PTCD3: variants seen among roughly 807,000 people sequenced by gnomAD.
PTCD3 encodes the protein small ribosomal subunit protein mS39.
PTCD3 carries 89 observed loss-of-function variants against 101.9 expected under a neutral mutation model. The ratio of observed to expected loss-of-function variants is 0.87; its 90% confidence interval spans 0.74 to 1.04. The LOEUF (loss-of-function observed/expected upper bound fraction) is 1.04, where lower values mean the gene tolerates loss of function less well. Among genes scored for constraint, PTCD3 ranks in the 50% least tolerant of loss-of-function variants. PTCD3 has a pLI of 0.00. For synonymous variants in PTCD3, 296 were observed against 278.5 expected (o/e 1.06, Z -0.63); for missense variants, 870 against 828.2 (o/e 1.05, Z -0.62).
At chr2:86,116,805 G>C (rs1035937654) in intron 5 of PTCD3, among the ~76,000 whole-genome samples, 10 of 152,140 alleles carry the variant, frequency 6.6e-5, no homozygotes, top group African/African-American at 2.4e-4. Context: ...AATACTTAGG[G>C]CTTTTTCACA....
chr2:86,118,602 C>T (rs1267016152), intron 6 of PTCD3, among the ~76,000 whole-genome samples: 1 of 152,202 alleles, frequency 6.6e-6, no homozygotes, highest in Non-Finnish European at 1.5e-5. Context: ...TCTGTATCCC[C>T]AGTGCCAAGC....
intron 1 of PTCD3, among the ~76,000 whole-genome samples, chr2:86,107,697 T>C (rs571901570): frequency 6.6e-6 from 1 of 152,350 alleles, no homozygotes; most frequent in South Asian, 2.1e-4. Context: ...TCAGGCCTTA[T>C]GTATTTGGTA....
chr2:86,133,372 G>T lies in PTCD3; in HGVS notation c.1479G>T (p.Met493Ile), dbSNP rs369504418. The T allele has an allele frequency of 3.7e-6, 6 of 1,614,018 alleles. No homozygotes were observed. The African/African-American group carries it at 8.0e-5, about 22-fold the overall frequency. Reference protein sequence around the residue: ...PSAYFPHSQTMIHLLQALDVA... With the variant: ...PSAYFPHSQTIIHLLQALDVA... ...CCTACTTTCCCCACTCCCAAACAAT[G>T]ATACATCTTCTCCAAGCATTGGATG... Residue 493 changes from methionine (M) to isoleucine (I), a missense_variant, in exon 19 of 24, where the codon ATG becomes ATT. By Grantham distance (10) the Met-to-Ile change is conservative. Coordinates refer to ENST00000254630, the MANE Select transcript of PTCD3 (RefSeq NM_017952.6).
chr2:86,117,431 C>G (rs1004143496), intron 6 of PTCD3, among the ~76,000 whole-genome samples: 2 of 151,854 alleles, frequency 1.3e-5, no homozygotes, highest in African/African-American at 4.8e-5. Context: ...TTCACTACCT[C>G]TCTATACACA....
chr2:86,132,019 T>G (rs1163293869), intron 16 of PTCD3, among the ~76,000 whole-genome samples: 1 of 152,246 alleles, frequency 6.6e-6, no homozygotes, highest in African/African-American at 2.4e-5. Flanking sequence ...ATTTTGGAGT[T>G]ATTTCATGGA....
chr2:86,125,178 G>A, intron 10 of PTCD3, 96 bp downstream of exon 10: 2 of 1,528,726 alleles, frequency 1.3e-6, no homozygotes, highest in South Asian at 1.3e-5. Context: ...AATTTGTTGT[G>A]GGGTCTGTCC....
intron 16 of PTCD3, 64 bp downstream of exon 16, chr2:86,131,170 C>G: frequency 8.1e-7 from 1 of 1,238,644 alleles, no homozygotes; most frequent in Non-Finnish European, 1.1e-6. Flanking sequence ...CTGGAGGGTT[C>G]TCCCTGGTTC....
chr2:86,116,287 G>T (rs563494192), intron 4 of PTCD3, among the ~76,000 whole-genome samples: 1 of 152,288 alleles, frequency 6.6e-6, no homozygotes, highest in East Asian at 1.9e-4. Context: ...TATAATCCTA[G>T]CCCTTTGTAA....
chr2:86,113,813 C>A (rs940107947), intron 4 of PTCD3, among the ~76,000 whole-genome samples: 3 of 151,846 alleles, frequency 2.0e-5, no homozygotes, highest in Non-Finnish European at 2.9e-5. Flanking sequence ...CCGCCACACA[C>A]AAAAAAATTA....
At position 86,134,717 on chromosome 2, in the gene PTCD3, A is replaced by G. The variant is rs923835227; in HGVS notation, c.1630-122A>G. The G allele has an allele frequency of 5.3e-6, 6 of 1,130,224 alleles. No homozygotes were observed. In the African/African-American group the frequency reaches 7.8e-5, roughly 15 times the overall value. The allele number at this position is 1,130,224 out of a possible 1,614,324, so 70.0% of individuals were successfully genotyped here. On this transcript the variant is annotated intron_variant, in intron 20 of 23. Transcript: ENST00000254630. ...TTTTATTAAATTACTTGTGTGCTAT[A>G]CACATAATATATTCAAATGGTAAAA...
chr2:86,137,278 TGTCATGCAA>T, intron 23 of PTCD3, 138 bp downstream of exon 23: 1 of 1,308,036 alleles, frequency 7.6e-7, no homozygotes, highest in Non-Finnish European at 1.0e-6. Flanking sequence ...CTATTTCATT[TGTCATGCAA>T]GTCAGGAAAG....
At chr2:86,135,083 T>C in intron 21 of PTCD3, 96 bp downstream of exon 21, 1 of 1,353,846 alleles carries the variant, frequency 7.4e-7, no homozygotes. Context: ...TTTGGCCACA[T>C]AACACGTATT....
chr2:86,129,671 C>T (rs2104459066), intron 14 of PTCD3, among the ~76,000 whole-genome samples: 1 of 151,928 alleles, frequency 6.6e-6, no homozygotes, highest in Non-Finnish European at 1.5e-5. Context: ...AGGAATTTAC[C>T]CAAAAGAGAG....
chr2:86,136,489 A>G, intron 21 of PTCD3, 32 bp from the exon 22 acceptor site: 2 of 1,579,586 alleles, frequency 1.3e-6, no homozygotes, highest in South Asian at 1.1e-5. Context: ...TTTTTCTAAT[A>G]GTATTCATAA....
At chr2:86,128,077 T>C in intron 14 of PTCD3, 86 bp downstream of exon 14, 2 of 1,084,596 alleles carry the variant, frequency 1.8e-6, no homozygotes, top group Non-Finnish European at 2.8e-6. Context: ...GTAGTTATCT[T>C]CTCTGCATAT....
At chr2:86,117,183 T>G (rs1296672125) in intron 6 of PTCD3, 24 bp downstream of exon 6, 1 of 848,286 alleles carries the variant, frequency 1.2e-6, no homozygotes, top group South Asian at 1.4e-5. Flanking sequence ...GTTACATTAT[T>G]TACATAATAC....
At chr2:86,136,082 A>T (rs753640129) in intron 21 of PTCD3, 8 of 513,004 alleles carry the variant, frequency 1.6e-5, no homozygotes, top group African/African-American at 1.5e-4. Context: ...GTTCTGTTCT[A>T]TGCCTCTTTT....
intron 3 of PTCD3, among the ~76,000 whole-genome samples, chr2:86,110,671 C>T (rs963188427): frequency 2.0e-5 from 3 of 152,114 alleles, no homozygotes; most frequent in African/African-American, 7.2e-5. Flanking sequence ...TGTGACAGTC[C>T]TCCATGGATC....
At chr2:86,133,036 C>G (rs1389236620) in intron 17 of PTCD3, 142 bp from the exon 18 acceptor site, 1 of 1,377,066 alleles carries the variant, frequency 7.3e-7, no homozygotes, top group Non-Finnish European at 9.6e-7. Flanking sequence ...GCTCTTAAAC[C>G]AAATATTGGC....
Sources: gnomAD v4.1 joint callset for allele counts (sites outside exome capture counted in the v4.1 genomes callset) on GRCh38, gnomAD v4.1.1 for gene constraint, MANE v1.5 for transcripts, NCBI Gene and HGNC (gene_info 2026-07-23, HGNC 2026-07-21) for gene names.